Variants in DCDC1 observed in about 807,000 individuals in gnomAD.
DCDC1 encodes doublecortin domain containing 1.
In DCDC1, 200 loss-of-function variants were observed where a neutral mutation model predicts 178.3. The observed-to-expected ratio is 1.12, with a 90% CI of 1.00 to 1.26. The LOEUF is 1.26. Ranked by LOEUF, DCDC1 falls within the 50% of genes most tolerant of loss-of-function variation. The probability of loss-of-function intolerance (pLI) is 0.00; values close to 1 mark genes in which losing one functional copy is unlikely to be tolerated. For synonymous variants in DCDC1, 690 were observed against 604.8 expected (o/e 1.14, Z -2.07); for missense variants, 1,983 against 1,749.2 (o/e 1.13, Z -2.38).
chr11:31,304,003 C>T (rs1948294113), intron 6 of DCDC1, among the ~76,000 whole-genome samples: 1 of 152,138 alleles, frequency 6.6e-6, no homozygotes, highest in African/African-American at 2.4e-5. Context: ...AAAAGAACAG[C>T]AGTGCATGTC....
chr11:30,906,730 A>G lies in DCDC1; in HGVS notation c.3919-5T>C, dbSNP rs1945091877. 11 of 1,609,716 alleles carry G rather than the reference A, an allele frequency of 6.8e-6. No homozygotes were observed. The highest frequency in any genetic ancestry group is 9.3e-6 in the Non-Finnish European group (11 of 1,177,688). On this transcript the variant is annotated splice_region_variant and splice_polypyrimidine_tract_variant and intron_variant, in intron 29 of 38. Transcript: ENST00000684477. Reference sequence around the variant, plus strand: ...AGGTGAGAGATAACAGTATCCCTAAAATGGGAGACAAAGATGGCTTTATAT... The same window carrying G: ...AGGTGAGAGATAACAGTATCCCTAAGATGGGAGACAAAGATGGCTTTATAT...
chr11:31,321,529 C>T (rs982881773), intron 3 of DCDC1, among the ~76,000 whole-genome samples: 1 of 152,170 alleles, frequency 6.6e-6, no homozygotes, highest in Non-Finnish European at 1.5e-5. Context: ...ACGGTGCACA[C>T]ACACACTGGC....
chr11:31,041,840 T>C (rs891661426), intron 20 of DCDC1, among the ~76,000 whole-genome samples: 1 of 152,174 alleles, frequency 6.6e-6, no homozygotes, highest in African/African-American at 2.4e-5. Flanking sequence ...GAGAAATCAT[T>C]ATGGTCTAAA....
intron 9 of DCDC1, among the ~76,000 whole-genome samples, chr11:31,240,033 T>G (rs1199529105): frequency 6.6e-6 from 1 of 151,880 alleles, no homozygotes; most frequent in Non-Finnish European, 1.5e-5. Flanking sequence ...TCTTTAGATT[T>G]TATTTAAACA....
chr11:30,911,437 T>C lies in DCDC1; in HGVS notation c.3654-17A>G. 6.4e-7 allele frequency: 1 copy of C among 1,574,204 alleles called. No individual in the cohort carries two copies. The highest frequency in any genetic ancestry group is 8.6e-7 in the Non-Finnish European group (1 of 1,157,112). Reference sequence around the variant, plus strand: ...TGAAAGGTCCTTGGGAAAACAGGATTAGCCACATTACAAAGTAGCATGACC... The same window carrying C: ...TGAAAGGTCCTTGGGAAAACAGGATCAGCCACATTACAAAGTAGCATGACC... On this transcript the variant is annotated splice_polypyrimidine_tract_variant and intron_variant, in intron 27 of 38. Coordinates refer to ENST00000684477, the MANE Select transcript of DCDC1 (RefSeq NM_001387274.1).
intron 9 of DCDC1, among the ~76,000 whole-genome samples, chr11:31,218,831 C>G (rs547272969): frequency 6.6e-6 from 1 of 152,254 alleles, no homozygotes; most frequent in South Asian, 2.1e-4. Context: ...TGTACCAAAA[C>G]TGGAAAAATC....
intron 9 of DCDC1, among the ~76,000 whole-genome samples, chr11:31,197,799 C>T (rs1203386929): frequency 1.3e-5 from 2 of 152,030 alleles, no homozygotes; most frequent in Non-Finnish European, 2.9e-5. Flanking sequence ...TTCCTCTCAT[C>T]TTAAGGACCA....
At chr11:30,912,737 G>C (rs923578923) in intron 27 of DCDC1, among the ~76,000 whole-genome samples, 1 of 152,158 alleles carries the variant, frequency 6.6e-6, no homozygotes, top group African/African-American at 2.4e-5. Context: ...TAGCCTTGGG[G>C]AGGGGACCCC....
intron 4 of DCDC1, 190 bp downstream of exon 4, chr11:31,307,449 A>G: frequency 1.5e-6 from 1 of 659,926 alleles, no homozygotes; most frequent in Non-Finnish European, 2.5e-6. Flanking sequence ...AGTGTATCTC[A>G]TATTTCCCAC....
chr11:30,950,241 T>C lies in DCDC1; in HGVS notation c.2715+2204A>G, dbSNP rs555608457. Among the ~76,000 whole-genome samples, 21 of 152,256 alleles carry C rather than the reference T, an allele frequency of 1.4e-4. No homozygotes were observed. The South Asian group carries it at 4.1e-3, about 30-fold the overall frequency. ...CTTTTCTCCCACCAACCCTACACTG[T>C]TGGTGGGAATGTAAATTAGTACAGC... is the stretch of plus-strand genomic sequence containing the variant. On this transcript the variant is annotated intron_variant, in intron 21 of 38. Transcript: ENST00000684477.
intron 29 of DCDC1, 48 bp downstream of exon 29, chr11:30,908,898 T>A (rs765074242): frequency 6.8e-7 from 1 of 1,466,170 alleles, no homozygotes; most frequent in Non-Finnish European, 9.1e-7. Context: ...TAAATTACTC[T>A]CTTTTACCCT....
chr11:31,290,512 T>G (rs1211616183), intron 7 of DCDC1, 135 bp downstream of exon 7: 3 of 932,964 alleles, frequency 3.2e-6, no homozygotes, highest in African/African-American at 3.3e-5. Context: ...TTATACAGAA[T>G]TTTTTAGTTC....
intron 20 of DCDC1, among the ~76,000 whole-genome samples, chr11:31,005,964 A>C (rs531816022): frequency 4.2e-4 from 63 of 150,736 alleles, no homozygotes; most frequent in African/African-American, 1.4e-3. Context: ...AAAAAAAAAA[A>C]AAAAAAAAAA....
At chr11:31,126,666 C>A (rs891115913) in intron 11 of DCDC1, among the ~76,000 whole-genome samples, 1 of 152,158 alleles carries the variant, frequency 6.6e-6, no homozygotes, top group South Asian at 2.1e-4. Flanking sequence ...GTTGTAGTAA[C>A]CATGATTTCT....
At chr11:31,195,628 T>C (rs1415491083) in intron 9 of DCDC1, among the ~76,000 whole-genome samples, 1 of 151,980 alleles carries the variant, frequency 6.6e-6, no homozygotes, top group Admixed American at 6.6e-5. Context: ...GATCCCTTGG[T>C]TTTTCTTTCA....
At chr11:30,946,151 C>T (rs150919175) in intron 21 of DCDC1, among the ~76,000 whole-genome samples, 2 of 152,172 alleles carry the variant, frequency 1.3e-5, no homozygotes, top group East Asian at 3.9e-4. Context: ...CTTGTGATGT[C>T]CTGGATTCTC....
intron 1 of DCDC1, among the ~76,000 whole-genome samples, chr11:31,355,742 T>C (rs932567150): frequency 6.6e-6 from 1 of 152,022 alleles, no homozygotes; most frequent in African/African-American, 2.4e-5. Flanking sequence ...TAATTTTTTG[T>C]ATTTTTAGTA....
Position 31,173,317 on chromosome 11 carries a change from C to A in DCDC1, c.1222-35533G>T, listed in dbSNP as rs556212511. 2.6e-5 allele frequency among the ~76,000 whole-genome samples: 4 copies of A among 152,142 alleles called. No individual in the cohort carries two copies. The East Asian group carries it at 7.7e-4, about 29-fold the overall frequency. On this transcript the variant is annotated intron_variant, in intron 9 of 38. Transcript: ENST00000684477. ...GAGACTCATTCACACTGGCATGGTACAATTACGGATATTATTTACATTGCA... is the reference window on the plus strand; with the variant it reads ...GAGACTCATTCACACTGGCATGGTAAAATTACGGATATTATTTACATTGCA...
intron 38 of DCDC1, among the ~76,000 whole-genome samples, chr11:30,874,770 C>T (rs1328156337): frequency 6.6e-6 from 1 of 152,156 alleles, no homozygotes; most frequent in Non-Finnish European, 1.5e-5. Context: ...TGAGCATGTG[C>T]ACCTGAGCTA....
Sources: gnomAD v4.1 joint callset for allele counts (sites outside exome capture counted in the v4.1 genomes callset) on GRCh38, gnomAD v4.1.1 for gene constraint, MANE v1.5 for transcripts, NCBI Gene and HGNC (gene_info 2026-07-23, HGNC 2026-07-21) for gene names.